ADAMTSL1: variants seen among roughly 807,000 people sequenced by gnomAD.
ADAMTSL1 encodes the protein ADAMTS like 1.
ADAMTSL1 carries 126 observed loss-of-function variants against 201.8 expected under a neutral mutation model. The ratio of observed to expected loss-of-function variants is 0.62; its 90% confidence interval spans 0.54 to 0.72. The LOEUF (loss-of-function observed/expected upper bound fraction) is 0.72. Among genes scored for constraint, ADAMTSL1 ranks in the 30% least tolerant of loss-of-function variants. The pLI is 0.00. For missense variants in ADAMTSL1, 2,679 were observed against 2,277.8 expected (o/e 1.18, Z -3.59); for synonymous variants, 1,121 against 903.4 (o/e 1.24, Z -4.32).
At position 18,504,859 on chromosome 9, in the gene ADAMTSL1, C is replaced by T. The variant is rs748610470; in HGVS notation, c.94C>T (p.Arg32Trp). The T allele has an allele frequency of 3.1e-6, 5 of 1,613,926 alleles. No individual in the cohort carries two copies. In the South Asian group the frequency reaches 3.3e-5, roughly 11 times the overall value. ...SSRTARSEED[R>W]DGLWDAWGPW... ...CAGGACCGCACGCTCCGAGGAGGAC[C>T]GGGACGGCCTATGGGATGCCTGGGG... The change falls in exon 2 of 29, where the codon CGG becomes TGG. Residue 32 changes from arginine (R) to tryptophan (W), a missense_variant. Physicochemically the swap from Arg to Trp is moderately radical, Grantham distance 101. Coordinates refer to ENST00000380548, the MANE Select transcript of ADAMTSL1 (RefSeq NM_001040272.6).
intron 23 of ADAMTSL1, among the ~76,000 whole-genome samples, chr9:18,830,260 T>C (rs183940135): frequency 2.3e-4 from 35 of 152,276 alleles, no homozygotes; most frequent in African/African-American, 6.7e-4. Flanking sequence ...CTCAATCAGA[T>C]TGACTCTTGA....
rs1225130297 is a variant in ADAMTSL1 at position 18,412,728 on chromosome 9, C to T, written c.208-92101C>T. Among the ~76,000 whole-genome samples, 9 of 152,176 alleles carry T rather than the reference C, an allele frequency of 5.9e-5. 1 individual carries two copies. In the South Asian group the frequency reaches 1.2e-3, roughly 21 times the overall value. ...TATCCCATATTAGGCCACTAGAAGC[C>T]CCTTCTCCATTTATTCTATTTCCTT... On this transcript the variant is annotated intron_variant, in intron 2 of 29. Transcript: ENST00000680146.
Position 18,813,219 on chromosome 9 carries a change from C to T in ADAMTSL1, c.3806-3890C>T, listed in dbSNP as rs1346292417. Among the ~76,000 whole-genome samples the T allele has an allele frequency of 2.0e-5, 3 of 152,170 alleles. No homozygotes were observed. The East Asian group carries it at 5.8e-4, about 29-fold the overall frequency. On this transcript the variant is annotated intron_variant, in intron 20 of 28. Transcript: ENST00000380548. ...TGACCACATGATCCGCCGCCTCAGC[C>T]TCCCAAAGTGCTGGGATTACAGGCA...
At chr9:18,834,453 C>T (rs935222741) in intron 23 of ADAMTSL1, among the ~76,000 whole-genome samples, 2 of 151,832 alleles carry the variant, frequency 1.3e-5, no homozygotes, top group Admixed American at 6.6e-5. Context: ...TACGTTTGAC[C>T]CATATTTGAC....
At chr9:18,637,262 T>C (rs1459813022) in intron 6 of ADAMTSL1, among the ~76,000 whole-genome samples, 4 of 152,152 alleles carry the variant, frequency 2.6e-5, no homozygotes, top group African/African-American at 4.8e-5. Flanking sequence ...GTGTGTATTA[T>C]TACCACTCAA....
chr9:18,706,634 C>A, intron 13 of ADAMTSL1, 113 bp from the exon 14 acceptor site: 3 of 1,079,732 alleles, frequency 2.8e-6, no homozygotes, highest in Non-Finnish European at 3.9e-6. Context: ...GCCCTGAGTA[C>A]CCCTGGGACA....
chr9:18,289,541 T>C (rs576727411), intron 2 of ADAMTSL1, among the ~76,000 whole-genome samples: 3 of 152,310 alleles, frequency 2.0e-5, no homozygotes, highest in African/African-American at 7.2e-5. Flanking sequence ...CTGAGATTGT[T>C]TCCCAAGGAG....
At chr9:18,310,211 T>C (rs1024978891) in intron 2 of ADAMTSL1, among the ~76,000 whole-genome samples, 2 of 151,702 alleles carry the variant, frequency 1.3e-5, no homozygotes, top group Non-Finnish European at 2.9e-5. Context: ...CACTTAAACA[T>C]AAGCCCTAAA....
At chr9:18,519,009 C>T (rs1818527553) in intron 2 of ADAMTSL1, among the ~76,000 whole-genome samples, 1 of 152,178 alleles carries the variant, frequency 6.6e-6, no homozygotes, top group African/African-American at 2.4e-5. Flanking sequence ...TCTCTGCCTC[C>T]TCTCCTGGTG....
intron 15 of ADAMTSL1, among the ~76,000 whole-genome samples, chr9:18,744,481 T>C (rs922467306): frequency 6.6e-6 from 1 of 152,236 alleles, no homozygotes; most frequent in African/African-American, 2.4e-5. Flanking sequence ...CTCTACTTAC[T>C]TGTTTCCCAT....
intron 3 of ADAMTSL1, among the ~76,000 whole-genome samples, chr9:18,536,575 A>G (rs1014357736): frequency 6.6e-6 from 1 of 151,982 alleles, no homozygotes. Flanking sequence ...TAGTCATGGT[A>G]CTTTCTTACT....
chr9:18,157,178 A>T (rs1170342285), intron 1 of ADAMTSL1, among the ~76,000 whole-genome samples: 1 of 152,042 alleles, frequency 6.6e-6, no homozygotes, highest in East Asian at 1.9e-4. Flanking sequence ...TTATAGATCA[A>T]TCCCACATTA....
Position 18,817,103 on chromosome 9 carries a change from C to G in ADAMTSL1, c.3806-6C>G, listed in dbSNP as rs1250228206. On this transcript the variant is annotated splice_polypyrimidine_tract_variant and splice_region_variant and intron_variant, in intron 20 of 28. Coordinates refer to ENST00000380548, the MANE Select transcript of ADAMTSL1 (RefSeq NM_001040272.6). ...AGTAACATCTCATATTCTTTCTTAT[C>G]TTCAGGAAAGCCACTAGTGAAAACG... 3.1e-6 allele frequency: 5 copies of G among 1,608,872 alleles called. No individual in the cohort carries two copies. The Admixed American group carries it at 6.7e-5, about 22-fold the overall frequency.
rs1393815949 is a variant in ADAMTSL1 at position 18,207,771 on chromosome 9, G to A, written c.207+43790G>A. On this transcript the variant is annotated intron_variant, in intron 2 of 29. Coordinates refer to the ADAMTSL1 transcript ENST00000680146. ...ATTTGGTTTATGTATTTGTATAAGC[G>A]GGTCTCAGGTCCTTTTGAAACAATA... 7.9e-5 allele frequency among the ~76,000 whole-genome samples: 12 copies of A among 151,562 alleles called. No individual in the cohort carries two copies. The South Asian group carries it at 1.0e-3, about 13-fold the overall frequency.
chr9:18,655,541 C>T (rs1200723678), intron 7 of ADAMTSL1, among the ~76,000 whole-genome samples: 6 of 152,000 alleles, frequency 3.9e-5, no homozygotes, highest in African/African-American at 7.3e-5. Context: ...TTATATCCTC[C>T]TCACATTGGC....
chr9:18,134,537 T>G (rs1397265521), intron 1 of ADAMTSL1, among the ~76,000 whole-genome samples: 1 of 152,140 alleles, frequency 6.6e-6, no homozygotes, highest in African/African-American at 2.4e-5. Flanking sequence ...ATGAGTTAAG[T>G]GGTAATCATC....
At chr9:18,766,329 C>A (rs1422943963) in intron 16 of ADAMTSL1, among the ~76,000 whole-genome samples, 1 of 152,136 alleles carries the variant, frequency 6.6e-6, no homozygotes, top group African/African-American at 2.4e-5. Flanking sequence ...ATTCTCATTG[C>A]AAGGGAACGT....
chr9:18,322,926 G>A (rs1235024869), intron 2 of ADAMTSL1, among the ~76,000 whole-genome samples: 3 of 152,040 alleles, frequency 2.0e-5, no homozygotes, highest in Non-Finnish European at 4.4e-5. Flanking sequence ...AACACACCAG[G>A]CTAGTTTGTT....
chr9:18,447,623 A>C (rs899082210), intron 2 of ADAMTSL1, among the ~76,000 whole-genome samples: 4 of 152,216 alleles, frequency 2.6e-5, no homozygotes, highest in Middle Eastern at 3.2e-3. Flanking sequence ...ATGTCTCGCA[A>C]TTATAAGTGT....
Sources: allele counts gnomAD v4.1 joint callset (sites outside exome capture counted in the v4.1 genomes callset), GRCh38; gene constraint gnomAD v4.1.1; transcripts MANE v1.5; gene names NCBI Gene and HGNC (gene_info 2026-07-23, HGNC 2026-07-21).